Variants in GPC5 observed in about 807,000 individuals in gnomAD.
GPC5 encodes the protein glypican-5.
GPC5 carries 47 observed loss-of-function variants against 53.9 expected under a neutral mutation model. The observed-to-expected ratio is 0.87, with a 90% CI of 0.69 to 1.11. The LOEUF (loss-of-function observed/expected upper bound fraction) is 1.11. GPC5 is among the 50% of genes most tolerant of loss of function. The probability of loss-of-function intolerance (pLI) is 0.00; values close to 1 mark genes in which losing one functional copy is unlikely to be tolerated. For missense variants in GPC5, 748 were observed against 713.1 expected (o/e 1.05, Z -0.56); for synonymous variants, 286 against 263.3 (o/e 1.09, Z -0.84).
chr13:92,592,890 C>G (rs563534603), intron 7 of GPC5, among the ~76,000 whole-genome samples: 3 of 151,110 alleles, frequency 2.0e-5, no homozygotes, highest in Admixed American at 6.6e-5. Flanking sequence ...TTCGGTGGCC[C>G]TCATGCGTGC....
At chr13:92,371,121 G>C (rs1363210054) in intron 7 of GPC5, among the ~76,000 whole-genome samples, 1 of 152,236 alleles carries the variant, frequency 6.6e-6, no homozygotes, top group African/African-American at 2.4e-5. Context: ...CTGTACTCCA[G>C]CCTGGGCAAC....
intron 6 of GPC5, among the ~76,000 whole-genome samples, chr13:92,031,085 C>G (rs2040837564): frequency 6.6e-6 from 1 of 152,128 alleles, no homozygotes; most frequent in South Asian, 2.1e-4. Flanking sequence ...CTCTTGGCTT[C>G]TATAACACCA....
rs764705449 is a variant in GPC5, at chr13:91,882,082, T to A, written c.1281-25855T>A. Among the ~76,000 whole-genome samples, 227 of 152,262 alleles carry A rather than the reference T, an allele frequency of 1.5e-3. 1 individual carries two copies. Among genetic ancestry groups the A allele is most frequent in the Non-Finnish European group, 2.2e-3 (153 of 68,010 alleles). On this transcript the variant is annotated intron_variant, in intron 5 of 7. Transcript: ENST00000377067. ...AATAATTGATTGGATTTTATTCTTT[T>A]AAAAAAGAGATAATTTAAAGGAATC...
rs529451426 is a variant in GPC5, at chr13:91,424,522, G to A, written c.164-24239G>A. 1.4e-3 allele frequency among the ~76,000 whole-genome samples: 218 copies of A among 151,950 alleles called. 1 individual carries two copies. Among genetic ancestry groups the A allele is most frequent in the Middle Eastern group, 6.8e-3 (2 of 294 alleles). ...TGGGATTACAGGCATGTACCACCAC[G>A]CCCAGCTAATTTTTTGTATTTTTAA... On this transcript the variant is annotated intron_variant, in intron 1 of 7. Coordinates refer to ENST00000377067, the MANE Select transcript of GPC5 (RefSeq NM_004466.6).
intron 7 of GPC5, among the ~76,000 whole-genome samples, chr13:92,747,170 C>A (rs1889260590): frequency 6.6e-6 from 1 of 152,134 alleles, no homozygotes; most frequent in African/African-American, 2.4e-5. Context: ...ATATTCCCCA[C>A]TGACATATCC....
Position 92,482,555 on chromosome 13 carries a change from G to C in GPC5, c.1561+337566G>C, listed in dbSNP as rs865991701. ...TTCTTTAACACCATTCTTCTTTCCA[G>C]CTTTGGCCAGGGTTTTTTTCCCCCC... On this transcript the variant is annotated intron_variant, in intron 7 of 7. Transcript: ENST00000377067. 5.3e-5 allele frequency among the ~76,000 whole-genome samples: 8 copies of C among 152,082 alleles called. No homozygotes were observed. The South Asian group carries it at 8.3e-4, about 16-fold the overall frequency.
chr13:92,375,952 A>T (rs571104181), intron 7 of GPC5, among the ~76,000 whole-genome samples: 82 of 151,754 alleles, frequency 5.4e-4, no homozygotes, highest in Non-Finnish European at 8.5e-4. Context: ...AAGTCTTCCT[A>T]TTATAGGTTT....
chr13:92,083,805 T>G (rs1334152264), intron 6 of GPC5, among the ~76,000 whole-genome samples: 2 of 152,124 alleles, frequency 1.3e-5, no homozygotes, highest in African/African-American at 4.8e-5. Context: ...ACCAACAGTA[T>G]AAAAGCCTTC....
At chr13:91,503,817 A>AATAATAATAATCATCATCATCATCATC (rs1555316221) in intron 2 of GPC5, among the ~76,000 whole-genome samples, 2 of 147,416 alleles carry the variant, frequency 1.4e-5, no homozygotes, top group African/African-American at 5.0e-5. Flanking sequence ...TAATAATAAT[A>AATAATAATAATCATCATCATCATCATC]ATCAGGCTGT....
chr13:91,535,319 T>C (rs1370009420), intron 2 of GPC5, among the ~76,000 whole-genome samples: 1 of 152,160 alleles, frequency 6.6e-6, no homozygotes. Flanking sequence ...TAAAATATAT[T>C]GGTCCTCCAG....
chr13:92,767,067 A>C (rs1343162419), intron 7 of GPC5, among the ~76,000 whole-genome samples: 1 of 152,220 alleles, frequency 6.6e-6, no homozygotes, highest in African/African-American at 2.4e-5. Context: ...CAAGAATTGA[A>C]TCAAGGTCCT....
In GPC5 at chr13:92,195,064, C is replaced by T. The variant is rs574775801; in HGVS notation, c.1561+50075C>T. Among the ~76,000 whole-genome samples the T allele has an allele frequency of 2.1e-3, 325 of 152,142 alleles. 3 individuals are homozygous for T. The Middle Eastern group carries it at 0.024, about 11-fold the overall frequency. On this transcript the variant is annotated intron_variant, in intron 7 of 7. Coordinates refer to ENST00000377067, the MANE Select transcript of GPC5 (RefSeq NM_004466.6). The stretch of plus-strand genomic sequence containing the variant: ...ATTTTAGAAAGGCATAAATTGAAAC[C>T]AACGATAAGAATTGACAATGAATCT...
chr13:91,883,421 T>A (rs118174698), intron 5 of GPC5, among the ~76,000 whole-genome samples: 1 of 152,354 alleles, frequency 6.6e-6, no homozygotes, highest in Non-Finnish European at 1.5e-5. Flanking sequence ...AATATCAACC[T>A]GTTTTTGGAC....
intron 6 of GPC5, among the ~76,000 whole-genome samples, chr13:92,019,344 T>C (rs1187408232): frequency 6.6e-6 from 1 of 152,062 alleles, no homozygotes; most frequent in African/African-American, 2.4e-5. Context: ...TGGTCTTTAA[T>C]ATAGAAGACA....
At chr13:91,795,593 C>T (rs1461706770) in intron 5 of GPC5, among the ~76,000 whole-genome samples, 1 of 152,186 alleles carries the variant, frequency 6.6e-6, no homozygotes, top group African/African-American at 2.4e-5. Flanking sequence ...TTGACTTCTT[C>T]TAGGGTATCT....
chr13:92,301,022 T>C (rs1441193017), intron 7 of GPC5, among the ~76,000 whole-genome samples: 3 of 152,202 alleles, frequency 2.0e-5, no homozygotes, highest in African/African-American at 7.2e-5. Flanking sequence ...TTTGCTGTTC[T>C]CCTATTGAAG....
At chr13:92,756,602 C>T (rs1451190111) in intron 7 of GPC5, among the ~76,000 whole-genome samples, 3 of 148,866 alleles carry the variant, frequency 2.0e-5, no homozygotes, top group Non-Finnish European at 3.0e-5. Flanking sequence ...AGCCCAAAAT[C>T]TCCTTAAGCT....
At chr13:91,539,883 C>A (rs2029869167) in intron 2 of GPC5, among the ~76,000 whole-genome samples, 1 of 151,408 alleles carries the variant, frequency 6.6e-6, no homozygotes, top group Admixed American at 6.6e-5. Flanking sequence ...AAAAAAAAAC[C>A]TGACAAGTTG....
intron 7 of GPC5, among the ~76,000 whole-genome samples, chr13:92,779,350 G>A (rs913856859): frequency 6.6e-6 from 1 of 152,066 alleles, no homozygotes; most frequent in Non-Finnish European, 1.5e-5. Context: ...AGATTTGAGT[G>A]GGGGCACAGC....
Sources: allele counts gnomAD v4.1 joint callset (sites outside exome capture counted in the v4.1 genomes callset), GRCh38; gene constraint gnomAD v4.1.1; transcripts MANE v1.5; gene names NCBI Gene and HGNC (gene_info 2026-07-23, HGNC 2026-07-21).